RBMS3: variants seen among roughly 807,000 people sequenced by gnomAD.
The protein encoded by RBMS3 is RNA binding motif single stranded interacting protein 3.
In RBMS3, 27 loss-of-function variants were observed where a neutral mutation model predicts 66.8. The ratio of observed to expected loss-of-function variants is 0.40; its 90% CI spans 0.30 to 0.56. The LOEUF (loss-of-function observed/expected upper bound fraction) is 0.56. Ranked by LOEUF, RBMS3 falls within the 20% of genes least tolerant of loss-of-function variation. The probability of loss-of-function intolerance (pLI) is 0.40; values close to 1 mark genes in which losing one functional copy is unlikely to be tolerated. For missense variants in RBMS3, 513 were observed against 549.5 expected (o/e 0.93, Z 0.66); for synonymous variants, 188 against 183.0 (o/e 1.03, Z -0.22).
intron 3 of RBMS3, among the ~76,000 whole-genome samples, chr3:29,573,243 C>G (rs59848762): frequency 0.015 from 2,307 of 152,260 alleles, 60 homozygotes; most frequent in African/African-American, 0.053. Context: ...ACCTCAGCCT[C>G]CCGACTAGCT....
chr3:29,450,476 C>A (rs986454416), intron 2 of RBMS3, among the ~76,000 whole-genome samples: 1 of 152,150 alleles, frequency 6.6e-6, no homozygotes, highest in Non-Finnish European at 1.5e-5. Flanking sequence ...AAGTATTAAT[C>A]AGTTTTATTG....
chr3:29,723,826 C>A (rs1432064939), intron 4 of RBMS3, among the ~76,000 whole-genome samples: 2 of 152,286 alleles, frequency 1.3e-5, no homozygotes, highest in South Asian at 2.1e-4. Context: ...TGAGTTTCAG[C>A]ATTTTAATGT....
At chr3:29,537,060 C>T (rs1480134411) in intron 3 of RBMS3, among the ~76,000 whole-genome samples, 1 of 152,106 alleles carries the variant, frequency 6.6e-6, no homozygotes, top group East Asian at 1.9e-4. Context: ...AAAATGATGG[C>T]TTCCCCATAT....
chr3:29,376,736 T>C (rs548933196), intron 1 of RBMS3, among the ~76,000 whole-genome samples: 7 of 152,200 alleles, frequency 4.6e-5, no homozygotes, highest in Non-Finnish European at 1.0e-4. Flanking sequence ...TGAAACCCCA[T>C]CTCTACTAAA....
chr3:29,416,650 C>G (rs1017599308), intron 1 of RBMS3, among the ~76,000 whole-genome samples: 1 of 151,792 alleles, frequency 6.6e-6, no homozygotes, highest in African/African-American at 2.4e-5. Flanking sequence ...TGTGTTATTG[C>G]TAGCTGTTTT....
At chr3:29,767,903 A>G (rs2056004310) in intron 6 of RBMS3, among the ~76,000 whole-genome samples, 1 of 152,014 alleles carries the variant, frequency 6.6e-6, no homozygotes, top group Non-Finnish European at 1.5e-5. Context: ...ACAGTCTATT[A>G]AGTCCACAAA....
intron 4 of RBMS3, among the ~76,000 whole-genome samples, chr3:29,643,428 T>C (rs1178876440): frequency 6.6e-6 from 1 of 152,104 alleles, no homozygotes; most frequent in African/African-American, 2.4e-5. Flanking sequence ...TTCTTCAGGA[T>C]TTTTCATTTT....
Position 29,488,482 on chromosome 3 carries a change from A to T in RBMS3, c.290A>T (p.Asn97Ile). The change falls in exon 3 of 15, where the codon AAC becomes ATC. Residue 97 changes from asparagine (N) to isoleucine (I), a missense_variant. Coordinates refer to ENST00000383767, the MANE Select transcript of RBMS3 (RefSeq NM_001003793.3). ...IVSTKAILDK[N>I]TNQCKGYGFV... ...TCTACAAAGGCAATTCTTGACAAAA[A>T]CACAAATCAGTGCAAAGGTATGTGT... 1 of 1,612,236 alleles carries T rather than the reference A, an allele frequency of 6.2e-7. No homozygotes were observed. Among genetic ancestry groups the T allele is most frequent in the Non-Finnish European group, 8.5e-7 (1 of 1,178,358 alleles).
intron 5 of RBMS3, among the ~76,000 whole-genome samples, chr3:29,747,436 A>AGATAGATAGATAGATG (rs1322756420): frequency 7.0e-6 from 1 of 142,644 alleles, no homozygotes; most frequent in African/African-American, 2.6e-5. Flanking sequence ...ATAGATAGAT[A>AGATAGATAGATAGATG]GATAGATAGA....
intron 4 of RBMS3, among the ~76,000 whole-genome samples, chr3:29,732,694 T>C (rs918496830): frequency 6.6e-6 from 1 of 152,192 alleles, no homozygotes; most frequent in Non-Finnish European, 1.5e-5. Flanking sequence ...CATGGAATGC[T>C]CTGATTCCCT....
intron 6 of RBMS3, among the ~76,000 whole-genome samples, chr3:29,786,589 G>C (rs191639297): frequency 1.8e-4 from 28 of 152,186 alleles, no homozygotes; most frequent in African/African-American, 6.7e-4. Context: ...ACATAAAATG[G>C]GGAAAGGCCA....
chr3:29,752,980 G>C (rs1395033332), intron 5 of RBMS3, among the ~76,000 whole-genome samples: 1 of 152,158 alleles, frequency 6.6e-6, no homozygotes, highest in Non-Finnish European at 1.5e-5. Context: ...AGTAGCTTAG[G>C]TGGAGCAAGG....
intron 6 of RBMS3, among the ~76,000 whole-genome samples, chr3:29,782,475 TAGG>T (rs1418889538): frequency 1.3e-5 from 2 of 152,054 alleles, no homozygotes; most frequent in Non-Finnish European, 2.9e-5. Flanking sequence ...TTCCTAGGGG[TAGG>T]AGGAGAACAC....
rs1189195189 is a variant in RBMS3 at position 29,704,137 on chromosome 3, AT to A, written c.400-35581del. Among the ~76,000 whole-genome samples, 3 of 152,306 alleles carry A rather than the reference AT, an allele frequency of 2.0e-5. No homozygotes were observed. The South Asian group carries it at 6.2e-4, about 32-fold the overall frequency. The stretch of plus-strand genomic sequence containing the variant: ...TTAGAGTGAGTCATATAATTATTTT[AT>A]TATATATTACAATGTAATAGAAATA... On this transcript the variant is annotated intron_variant, in intron 4 of 14. Coordinates refer to ENST00000383767, the MANE Select transcript of RBMS3 (RefSeq NM_001003793.3).
chr3:29,660,371 G>T (rs954429491), intron 4 of RBMS3, among the ~76,000 whole-genome samples: 1 of 152,138 alleles, frequency 6.6e-6, no homozygotes, highest in East Asian at 1.9e-4. Context: ...TGCACTCTTT[G>T]GGATACCATT....
intron 1 of RBMS3, among the ~76,000 whole-genome samples, chr3:29,348,448 C>A (rs765413658): frequency 1.3e-5 from 2 of 152,012 alleles, no homozygotes; most frequent in East Asian, 3.9e-4. Context: ...CAAAACACTG[C>A]ATTTACTGTC....
At chr3:29,331,796 C>T (rs1319075494) in intron 1 of RBMS3, among the ~76,000 whole-genome samples, 1 of 141,892 alleles carries the variant, frequency 7.0e-6, no homozygotes, top group African/African-American at 2.6e-5. Flanking sequence ...ACAAAACTTA[C>T]TCAAACCCAG....
intron 13 of RBMS3, among the ~76,000 whole-genome samples, chr3:29,990,405 T>C (rs1698762743): frequency 7.1e-6 from 1 of 139,896 alleles, no homozygotes; most frequent in South Asian, 2.2e-4. Context: ...TCCAAAAATA[T>C]ATTCCTGATT....
chr3:29,857,486 CT>C (rs1323911166), intron 6 of RBMS3, among the ~76,000 whole-genome samples: 4 of 137,208 alleles, frequency 2.9e-5, no homozygotes, highest in South Asian at 2.5e-4. Flanking sequence ...CTTGTTATTA[CT>C]TTTTTTTCTT....
Sources: gnomAD v4.1 joint callset for allele counts (sites outside exome capture counted in the v4.1 genomes callset) on GRCh38, gnomAD v4.1.1 for gene constraint, MANE v1.5 for transcripts, NCBI Gene and HGNC (gene_info 2026-07-23, HGNC 2026-07-21) for gene names.